The following ZNF729 variants were observed in gnomAD, a reference collection of about 807,000 sequenced individuals.
The protein encoded by ZNF729 is zinc finger protein 729.
A neutral mutation model predicts 12.2 loss-of-function variants in ZNF729; 15 were observed. That is an observed-to-expected ratio of 1.23 (90% CI 0.82 to 1.89). The LOEUF (loss-of-function observed/expected upper bound fraction) is 1.89. Ranked by LOEUF, ZNF729 falls within the 40% of genes most tolerant of loss-of-function variation. The pLI, the probability that ZNF729 is intolerant of heterozygous loss-of-function variation, is 0.00. For synonymous variants in ZNF729, 492 were observed against 476.3 expected (o/e 1.03, Z -0.43); for missense variants, 1,540 against 1,456.7 (o/e 1.06, Z -0.93).
At chr19:22,306,961 CTG>C (rs1331904158) in intron 3 of ZNF729, among the ~76,000 whole-genome samples, 6 of 150,714 alleles carry the variant, frequency 4.0e-5, no homozygotes, top group Admixed American at 1.3e-4. Context: ...TTATATGTGT[CTG>C]TATATTTACA....
At chr19:22,293,511 T>TTTTTTTTTTTTG (rs1568571046) in intron 1 of ZNF729, among the ~76,000 whole-genome samples, 3 of 145,128 alleles carry the variant, frequency 2.1e-5, no homozygotes, top group East Asian at 2.0e-4. Context: ...TTTTTTTTTT[T>TTTTTTTTTTTTG]GAGACAGTTT....
chr19:22,312,539 TG>T (rs1742878154), intron 3 of ZNF729, among the ~76,000 whole-genome samples: 1 of 151,906 alleles, frequency 6.6e-6, no homozygotes, highest in African/African-American at 2.4e-5. Context: ...ATCTATTTTT[TG>T]TGTGTGTGGT....
intron 1 of ZNF729, among the ~76,000 whole-genome samples, chr19:22,290,190 A>G (rs2145039397): frequency 6.6e-6 from 1 of 152,320 alleles, no homozygotes; most frequent in South Asian, 2.1e-4. Flanking sequence ...CTCTGCAGAT[A>G]TTCCAGCCTG....
chr19:22,314,870 G>A lies in ZNF729; in HGVS notation c.1453G>A (p.Glu485Lys), dbSNP rs535640053. The A allele has an allele frequency of 1.5e-4, 249 of 1,612,200 alleles. 2 individuals carry two copies. In the African/African-American group the frequency reaches 2.7e-3, roughly 18 times the overall value. Reference protein sequence around the residue: ...LTRHKAIHTGEKPYKCEECGK... With the variant: ...LTRHKAIHTGKKPYKCEECGK... ...TAGACATAAAGCAATTCATACTGGA[G>A]AGAAACCCTACAAATGTGAAGAATG... The change falls in exon 4 of 4, where the codon GAG becomes AAG. Residue 485 changes from glutamate (E) to lysine (K), a missense_variant. Physicochemically the swap from Glu to Lys is moderately conservative, Grantham distance 56. Coordinates refer to ENST00000601693, the MANE Select transcript of ZNF729 (RefSeq NM_001242680.2).
intron 1 of ZNF729, among the ~76,000 whole-genome samples, chr19:22,287,741 C>T (rs1229640451): frequency 6.6e-6 from 1 of 151,930 alleles, no homozygotes; most frequent in African/African-American, 2.4e-5. Context: ...CCCAAACCCC[C>T]ATTCCTGCAG....
At chr19:22,301,765 G>A (rs537407756) in intron 1 of ZNF729, among the ~76,000 whole-genome samples, 1 of 152,424 alleles carries the variant, frequency 6.6e-6, no homozygotes, top group South Asian at 2.1e-4. Flanking sequence ...AGGAGTGAGA[G>A]ATCAAGGCCA....
At chr19:22,307,762 T>A (rs1237602486) in intron 3 of ZNF729, among the ~76,000 whole-genome samples, 2 of 149,544 alleles carry the variant, frequency 1.3e-5, no homozygotes, top group African/African-American at 4.9e-5. Flanking sequence ...AAAAGCATAT[T>A]TTTTTCTTTT....
chr19:22,294,544 C>CT (rs1481401354), intron 1 of ZNF729, among the ~76,000 whole-genome samples: 1 of 146,914 alleles, frequency 6.8e-6, no homozygotes, highest in African/African-American at 2.5e-5. Flanking sequence ...TAAATCATTT[C>CT]TTTTTTTGGG....
At chr19:22,310,146 A>C (rs1968433616) in intron 3 of ZNF729, among the ~76,000 whole-genome samples, 1 of 152,120 alleles carries the variant, frequency 6.6e-6, no homozygotes, top group South Asian at 2.1e-4. Flanking sequence ...GAACAATCAT[A>C]TCATCAGCAA....
chr19:22,308,065 C>G (rs921283184), intron 3 of ZNF729, among the ~76,000 whole-genome samples: 3 of 151,998 alleles, frequency 2.0e-5, no homozygotes, highest in Non-Finnish European at 4.4e-5. Context: ...CATTCTTATG[C>G]CTTTGCATCC....
intron 2 of ZNF729, among the ~76,000 whole-genome samples, 151 bp downstream of exon 2, chr19:22,304,035 ATTTTT>A (rs34014506): frequency 1.5e-5 from 2 of 129,444 alleles, no homozygotes; most frequent in African/African-American, 5.7e-5. Flanking sequence ...GTAGAAAGGA[ATTTTT>A]TTTTTTTTTT....
rs746827172 is a variant in ZNF729, at chr19:22,316,742, T to C, written c.3325T>C (p.Cys1109Arg). Residue 1109 changes from cysteine (C) to arginine (R), a missense_variant, in exon 4 of 4, where the codon TGT becomes CGT. Coordinates refer to ENST00000601693, the MANE Select transcript of ZNF729 (RefSeq NM_001242680.2). ...TGKKPYQCDE[C>R]GKAFNNSSTL... is the part of the protein sequence containing the mutation. ...AAAGAAACCCTACCAATGTGACGAA[T>C]GTGGCAAAGCTTTTAACAATTCCTC... 2.5e-6 allele frequency: 4 copies of C among 1,612,830 alleles called. No homozygotes were observed. Among genetic ancestry groups the C allele is most frequent in the Non-Finnish European group, 8.5e-7 (1 of 1,179,742 alleles).
intron 3 of ZNF729, among the ~76,000 whole-genome samples, chr19:22,308,824 G>A (rs1168857935): frequency 6.6e-6 from 1 of 151,996 alleles, no homozygotes; most frequent in Non-Finnish European, 1.5e-5. Context: ...TGGGTTGTCT[G>A]TTCACTCTGC....
intron 1 of ZNF729, among the ~76,000 whole-genome samples, chr19:22,291,241 TTTCTC>T (rs1310176735): frequency 1.3e-5 from 2 of 152,114 alleles, no homozygotes; most frequent in Admixed American, 6.6e-5. Flanking sequence ...AGGCTCTGCT[TTTCTC>T]TACACAGGCC....
rs754536532 is a variant in ZNF729 at position 22,314,274 on chromosome 19, A to G, written c.857A>G (p.His286Arg). The change falls in exon 4 of 4, where the codon CAT (histidine) becomes CGT (arginine). Residue 286 changes from histidine to arginine, a missense_variant. Coordinates refer to ENST00000601693, the MANE Select transcript of ZNF729 (RefSeq NM_001242680.2). ...SSNLTDHKRIHTGEKTYKCEE... is the reference protein window; with the variant it reads ...SSNLTDHKRIRTGEKTYKCEE... ...AATCTTACTGACCATAAGAGAATTCATACTGGAGAGAAAACCTACAAATGT... is the reference window on the plus strand; with the variant it reads ...AATCTTACTGACCATAAGAGAATTCGTACTGGAGAGAAAACCTACAAATGT... 7 of 1,610,356 alleles carry G rather than the reference A, an allele frequency of 4.3e-6. No individual in the cohort carries two copies. The highest frequency in any genetic ancestry group is 5.1e-6 in the Non-Finnish European group (6 of 1,178,892).
chr19:22,295,038 T>TTTTGTGTG (rs377438567), intron 1 of ZNF729, among the ~76,000 whole-genome samples: 14 of 144,024 alleles, frequency 9.7e-5, no homozygotes, highest in African/African-American at 3.3e-4. Context: ...TCCTAGATAT[T>TTTTGTGTG]TGTGTGTGTG....
chr19:22,314,273 C>A lies in ZNF729; in HGVS notation c.856C>A (p.His286Asn). The change falls in exon 4 of 4, where the codon CAT becomes AAT. Residue 286 changes from histidine to asparagine, a missense_variant. Coordinates refer to ENST00000601693, the MANE Select transcript of ZNF729 (RefSeq NM_001242680.2). ...SSNLTDHKRI[H>N]TGEKTYKCEE... ...AAATCTTACTGACCATAAGAGAATT[C>A]ATACTGGAGAGAAAACCTACAAATG... The A allele has an allele frequency of 6.2e-7, 1 of 1,610,022 alleles. No individual in the cohort carries two copies. The highest frequency in any genetic ancestry group is 8.5e-7 in the Non-Finnish European group (1 of 1,178,766).
At chr19:22,300,414 T>C (rs1968289303) in intron 1 of ZNF729, among the ~76,000 whole-genome samples, 1 of 152,208 alleles carries the variant, frequency 6.6e-6, no homozygotes, top group South Asian at 2.1e-4. Flanking sequence ...GGAGTTTCTC[T>C]GGGGCTGAAG....
At chr19:22,295,389 CTTTTTTTTTTT>C (rs746054091) in intron 1 of ZNF729, among the ~76,000 whole-genome samples, 1 of 130,874 alleles carries the variant, frequency 7.6e-6, no homozygotes, top group East Asian at 2.2e-4. Context: ...AGTTTTCTTT[CTTTTTTTTTTT>C]TTTTTTTGAG....
Sources: gnomAD v4.1 joint callset for allele counts (sites outside exome capture counted in the v4.1 genomes callset) on GRCh38, gnomAD v4.1.1 for gene constraint, MANE v1.5 for transcripts, NCBI Gene and HGNC (gene_info 2026-07-23, HGNC 2026-07-21) for gene names.